The following OTOGL variants were observed in gnomAD, a reference collection of about 807,000 sequenced individuals.
OTOGL encodes otogelin-like protein.
OTOGL carries 285 observed loss-of-function variants against 318.5 expected under a neutral mutation model. The observed-to-expected ratio is 0.89, with a 90% CI of 0.81 to 0.99. The LOEUF (loss-of-function observed/expected upper bound fraction) is 0.99, where lower values mean the gene tolerates loss of function less well. OTOGL is among the 50% of genes least tolerant of loss of function. OTOGL has a pLI of 0.00. For synonymous variants in OTOGL, 987 were observed against 936.5 expected, an observed-to-expected ratio of 1.05 and a Z score of -0.99; for missense variants, 2,899 against 2,845.6, an observed-to-expected ratio of 1.02 and a Z score of -0.43.
intron 1 of OTOGL, among the ~76,000 whole-genome samples, chr12:80,116,613 C>T (rs1870181854): frequency 1.3e-5 from 2 of 152,006 alleles, no homozygotes; most frequent in Non-Finnish European, 2.9e-5. Context: ...CCCCAGAAAA[C>T]AAAAAGTGAG....
chr12:80,146,947 C>T (rs1335172921), intron 1 of OTOGL, among the ~76,000 whole-genome samples: 1 of 151,812 alleles, frequency 6.6e-6, no homozygotes, highest in Non-Finnish European at 1.5e-5. Context: ...ATTCTTCTCT[C>T]TTTTTTTCTT....
At chr12:80,197,675 C>T (rs142817951) in intron 1 of OTOGL, among the ~76,000 whole-genome samples, 13 of 152,298 alleles carry the variant, frequency 8.5e-5, no homozygotes, top group African/African-American at 2.4e-4. Flanking sequence ...GCAGGAAAGC[C>T]GATTCCACAA....
intron 1 of OTOGL, among the ~76,000 whole-genome samples, chr12:80,159,480 CT>C (rs546765734): frequency 1.3e-5 from 2 of 151,652 alleles, no homozygotes; most frequent in South Asian, 4.2e-4. Context: ...TTTGGTTGGT[CT>C]TTTTTTTATT....
intron 1 of OTOGL, among the ~76,000 whole-genome samples, chr12:80,149,669 C>A (rs112597357): frequency 1.3e-5 from 2 of 152,034 alleles, no homozygotes; most frequent in African/African-American, 2.4e-5. Context: ...CCCCCAGCCT[C>A]GCTGCCGCCT....
chr12:80,337,521 C>T (rs1049734120), intron 42 of OTOGL, among the ~76,000 whole-genome samples: 2 of 151,686 alleles, frequency 1.3e-5, no homozygotes, highest in South Asian at 2.1e-4. Context: ...ATTGAAGAAG[C>T]GCAATGTATT....
Position 80,217,678 on chromosome 12 carries a change from CT to C in OTOGL, c.235+16del, listed in dbSNP as rs1565905405. The C allele has an allele frequency of 5.4e-6, 8 of 1,484,828 alleles. No individual in the cohort carries two copies. The highest frequency in any genetic ancestry group is 7.3e-6 in the Non-Finnish European group (8 of 1,095,628). The allele number at this position is 1,484,828 out of a possible 1,614,324, so 92.0% of individuals were successfully genotyped here. A position where few individuals can be genotyped will look rare whatever the true frequency, so the allele number is the denominator to read the frequency against. The stretch of plus-strand genomic sequence containing the variant: ...GCAAAATAAAAGGTCAGTGTTTATA[CT>C]TAGGTTTTCATATTTGCTTTCTCAG... On this transcript the variant is annotated intron_variant, in intron 5 of 58. Transcript: ENST00000547103.
intron 8 of OTOGL, among the ~76,000 whole-genome samples, chr12:80,231,399 A>T (rs987288665): frequency 3.9e-5 from 6 of 151,988 alleles, no homozygotes; most frequent in African/African-American, 1.4e-4. Flanking sequence ...TCTGTAAAAA[A>T]TTTTTTGTGC....
intron 33 of OTOGL, 120 bp from the exon 34 acceptor site, chr12:80,320,302 G>T: frequency 2.3e-6 from 2 of 857,762 alleles, no homozygotes; most frequent in East Asian, 2.9e-5. Context: ...TTAGTTATTG[G>T]CACTAATTAT....
chr12:80,329,810 T>A (rs1368831375), intron 37 of OTOGL, among the ~76,000 whole-genome samples: 1 of 152,224 alleles, frequency 6.6e-6, no homozygotes, highest in Non-Finnish European at 1.5e-5. Flanking sequence ...CAACTCTACC[T>A]GGTACTGTCC....
chr12:80,146,341 T>C (rs1488169762), intron 1 of OTOGL, among the ~76,000 whole-genome samples: 1 of 148,180 alleles, frequency 6.7e-6, no homozygotes, highest in Non-Finnish European at 1.5e-5. Context: ...TTTGGCTCGG[T>C]TTATATGCTG....
intron 6 of OTOGL, among the ~76,000 whole-genome samples, chr12:80,220,405 C>G (rs1409909735): frequency 6.6e-6 from 1 of 152,082 alleles, no homozygotes; most frequent in Non-Finnish European, 1.5e-5. Flanking sequence ...GTGATCCTCC[C>G]ATCTTGACCT....
At position 80,292,777 on chromosome 12, in the gene OTOGL, GA is replaced by G. The variant is rs1295971757; in HGVS notation, c.2929-4048del. ...AGATTAAGACATACCAGAACTATATGAATCTTATATAATTTTGGAACATATA... is the reference window on the plus strand; with the variant it reads ...AGATTAAGACATACCAGAACTATATGATCTTATATAATTTTGGAACATATA... On this transcript the variant is annotated intron_variant, in intron 26 of 58. Coordinates refer to ENST00000547103, the MANE Select transcript of OTOGL (RefSeq NM_001378609.3). 4.6e-5 allele frequency among the ~76,000 whole-genome samples: 7 copies of G among 152,080 alleles called. No homozygotes were observed. In the East Asian group the frequency reaches 5.8e-4, roughly 13 times the overall value.
chr12:80,198,584 A>AAATAAT (rs201298326), intron 1 of OTOGL, among the ~76,000 whole-genome samples: 3,256 of 151,482 alleles, frequency 0.021, 118 homozygotes, highest in East Asian at 0.18. Context: ...CTCCATCTCC[A>AAATAAT]AATAATAATA....
intron 12 of OTOGL, 123 bp downstream of exon 12, chr12:80,251,922 T>A (rs1219010524): frequency 8.5e-7 from 1 of 1,182,960 alleles, no homozygotes; most frequent in Non-Finnish European, 1.1e-6. Context: ...GAGATATCCA[T>A]GAACTTGCAT....
intron 26 of OTOGL, among the ~76,000 whole-genome samples, chr12:80,284,589 T>G (rs1884474634): frequency 6.6e-6 from 1 of 152,236 alleles, no homozygotes; most frequent in African/African-American, 2.4e-5. Context: ...TGTGAGATGA[T>G]ATCTCATTGT....
At chr12:80,144,188 C>G (rs1872163940) in intron 1 of OTOGL, among the ~76,000 whole-genome samples, 1 of 152,030 alleles carries the variant, frequency 6.6e-6, no homozygotes, top group African/African-American at 2.4e-5. Flanking sequence ...GTGTATCTCC[C>G]AATGCTATCC....
intron 26 of OTOGL, among the ~76,000 whole-genome samples, chr12:80,287,004 C>G (rs1335323083): frequency 6.8e-6 from 1 of 148,134 alleles, no homozygotes; most frequent in Non-Finnish European, 1.5e-5. Context: ...TCATTCCCGC[C>G]TTCTGATGTG....
intron 26 of OTOGL, among the ~76,000 whole-genome samples, chr12:80,288,200 T>C (rs2137665602): frequency 6.6e-6 from 1 of 152,312 alleles, no homozygotes; most frequent in African/African-American, 2.4e-5. Context: ...GAAAATTCTT[T>C]TCTTTAAGAA....
chr12:80,173,348 G>T (rs371329105), intron 1 of OTOGL, among the ~76,000 whole-genome samples: 6 of 152,056 alleles, frequency 3.9e-5, no homozygotes, highest in African/African-American at 1.4e-4. Context: ...GGAAAAGGGT[G>T]GGCAATTCCC....
Sources: allele counts gnomAD v4.1 joint callset (sites outside exome capture counted in the v4.1 genomes callset), GRCh38; gene constraint gnomAD v4.1.1; transcripts MANE v1.5; gene names NCBI Gene and HGNC (gene_info 2026-07-23, HGNC 2026-07-21).